HS3ST5: variants seen among roughly 807,000 people sequenced by gnomAD.
The protein encoded by HS3ST5 is heparan sulfate-glucosamine 3-sulfotransferase 5.
Under a neutral mutation model 25.4 loss-of-function variants are expected in HS3ST5, and 10 were observed. That is an observed-to-expected ratio of 0.39 (90% CI 0.24 to 0.67). The LOEUF is 0.67. Ranked by LOEUF, HS3ST5 falls within the 30% of genes least tolerant of loss-of-function variation. The pLI is 0.44. For synonymous variants in HS3ST5, 170 were observed against 162.4 expected (o/e 1.05, Z -0.36); for missense variants, 324 against 420.7 (o/e 0.77, Z 2.01).
chr6:114,091,069 CCTTT>C (rs1400699209), intron 3 of HS3ST5, among the ~76,000 whole-genome samples: 2 of 152,164 alleles, frequency 1.3e-5, no homozygotes, highest in African/African-American at 4.8e-5. Flanking sequence ...TTATAACACT[CCTTT>C]CTATTTTAGT....
chr6:114,140,979 G>A (rs541029928), intron 3 of HS3ST5, among the ~76,000 whole-genome samples: 2 of 152,300 alleles, frequency 1.3e-5, no homozygotes, highest in South Asian at 4.1e-4. Context: ...GAGAAACAAT[G>A]CCTGTAACAA....
At chr6:114,127,238 A>G (rs1370570940) in intron 3 of HS3ST5, among the ~76,000 whole-genome samples, 1 of 152,120 alleles carries the variant, frequency 6.6e-6, no homozygotes, top group Non-Finnish European at 1.5e-5. Flanking sequence ...AACAAAAACA[A>G]AAAACAAATT....
chr6:114,141,237 C>G (rs1009722882), intron 3 of HS3ST5, among the ~76,000 whole-genome samples: 2 of 152,182 alleles, frequency 1.3e-5, no homozygotes, highest in African/African-American at 4.8e-5. Flanking sequence ...CTCCTTCACT[C>G]AACGATTGAA....
chr6:114,254,008 A>G (rs980677011), intron 1 of HS3ST5, among the ~76,000 whole-genome samples: 1 of 152,204 alleles, frequency 6.6e-6, no homozygotes, highest in African/African-American at 2.4e-5. Flanking sequence ...CAAGGCAGGA[A>G]GGGCAGTCCT....
rs1554226914 is a variant in HS3ST5, at chr6:114,306,256, TAC to T, written c.-339+35937_-339+35938del. Among the ~76,000 whole-genome samples the T allele has an allele frequency of 7.9e-3, 910 of 115,380 alleles. 14 individuals are homozygous for T. The highest frequency in any genetic ancestry group is 0.03 in the East Asian group (148 of 4,874). 75.7% of individuals were successfully genotyped at this position (115,380 alleles called of 152,430 possible). A position where few individuals can be genotyped will look rare whatever the true frequency, so the allele number is the denominator to read the frequency against. On this transcript the variant is annotated intron_variant, in intron 1 of 4. Coordinates refer to ENST00000312719, the MANE Select transcript of HS3ST5 (RefSeq NM_153612.4). ...AAATATACATATATATATATATATA[TAC>T]ACACACACACACACACACACATATA...
intron 1 of HS3ST5, among the ~76,000 whole-genome samples, chr6:114,341,222 G>GGGGAGAGAGGGGGGGAGAGAGA (rs1776839835): frequency 1.9e-4 from 9 of 46,636 alleles, no homozygotes; most frequent in African/African-American, 1.1e-3. Flanking sequence ...GGAGAGAGGG[G>GGGGAGAGAGGGGGGGAGAGAGA]GAGAGAGAGA....
At chr6:114,075,178 G>A (rs570072880) in intron 3 of HS3ST5, among the ~76,000 whole-genome samples, 3 of 152,184 alleles carry the variant, frequency 2.0e-5, no homozygotes, top group Non-Finnish European at 2.9e-5. Context: ...TATAAGATCC[G>A]CATCATCTGT....
chr6:114,308,265 A>C (rs1290995669), intron 1 of HS3ST5, among the ~76,000 whole-genome samples: 1 of 152,214 alleles, frequency 6.6e-6, no homozygotes, highest in African/African-American at 2.4e-5. Flanking sequence ...ACCCTCCTAC[A>C]TAGCAGAAAA....
intron 1 of HS3ST5, among the ~76,000 whole-genome samples, chr6:114,273,688 A>C (rs1773726155): frequency 6.6e-6 from 1 of 151,466 alleles, no homozygotes; most frequent in Non-Finnish European, 1.5e-5. Flanking sequence ...GGAGTAACTG[A>C]TTGTGTCAAA....
intron 1 of HS3ST5, among the ~76,000 whole-genome samples, chr6:114,289,754 C>T (rs1479040828): frequency 6.6e-6 from 1 of 152,134 alleles, no homozygotes; most frequent in Non-Finnish European, 1.5e-5. Context: ...AAAGCTCATA[C>T]TTCATAATCA....
intron 2 of HS3ST5, among the ~76,000 whole-genome samples, chr6:114,208,845 T>C (rs1781390599): frequency 6.6e-6 from 1 of 152,172 alleles, no homozygotes; most frequent in Non-Finnish European, 1.5e-5. Flanking sequence ...TTTTGTTCAT[T>C]GTAAATCATG....
At chr6:114,337,185 T>A (rs902295436) in intron 1 of HS3ST5, among the ~76,000 whole-genome samples, 1 of 152,204 alleles carries the variant, frequency 6.6e-6, no homozygotes, top group African/African-American at 2.4e-5. Flanking sequence ...CAAAATAAAA[T>A]GTCTATTCAG....
At chr6:114,241,780 A>G (rs1429739939) in intron 1 of HS3ST5, among the ~76,000 whole-genome samples, 7 of 152,182 alleles carry the variant, frequency 4.6e-5, no homozygotes, top group Non-Finnish European at 1.0e-4. Flanking sequence ...GAGAACTGTT[A>G]GAATAAGGAG....
intron 1 of HS3ST5, among the ~76,000 whole-genome samples, chr6:114,309,210 A>G (rs942316317): frequency 6.6e-6 from 1 of 152,218 alleles, no homozygotes; most frequent in African/African-American, 2.4e-5. Context: ...ATGAGCACTC[A>G]GGGACATAAA....
chr6:114,173,805 G>A (rs564858235), intron 2 of HS3ST5, among the ~76,000 whole-genome samples: 2 of 152,126 alleles, frequency 1.3e-5, no homozygotes, highest in Non-Finnish European at 2.9e-5. Context: ...GTGGCAGTGA[G>A]CCAAGATCAC....
intron 1 of HS3ST5, among the ~76,000 whole-genome samples, chr6:114,265,591 G>A (rs1237690166): frequency 1.3e-5 from 2 of 152,170 alleles, no homozygotes; most frequent in Non-Finnish European, 2.9e-5. Context: ...AAGGAGGCAA[G>A]TTTTTAAGCA....
At chr6:114,230,157 G>A (rs1409595872) in intron 1 of HS3ST5, 1 of 141,686 alleles carries the variant, frequency 7.1e-6, no homozygotes, top group Non-Finnish European at 1.5e-5. Flanking sequence ...TGACTCCTAG[G>A]AGATTTGGGC....
At chr6:114,232,791 T>C (rs1562246856) in intron 1 of HS3ST5, among the ~76,000 whole-genome samples, 1 of 152,218 alleles carries the variant, frequency 6.6e-6, no homozygotes, top group Non-Finnish European at 1.5e-5. Flanking sequence ...CCTACTTCAC[T>C]ACTTTTCTCT....
intron 3 of HS3ST5, among the ~76,000 whole-genome samples, chr6:114,137,981 C>A (rs1777713373): frequency 6.6e-6 from 1 of 152,066 alleles, no homozygotes; most frequent in South Asian, 2.1e-4. Flanking sequence ...CTGTTATGAG[C>A]TAGGTACTCT....
Sources: gnomAD v4.1 joint callset for allele counts (sites outside exome capture counted in the v4.1 genomes callset) on GRCh38, gnomAD v4.1.1 for gene constraint, MANE v1.5 for transcripts, NCBI Gene and HGNC (gene_info 2026-07-23, HGNC 2026-07-21) for gene names.